DCAF6: variants seen among roughly 807,000 people sequenced by gnomAD.
DCAF6 encodes DDB1 and CUL4 associated factor 6, also known as DDB1- and CUL4-associated factor 6.
In DCAF6, 54 loss-of-function variants were observed where a neutral mutation model predicts 125.1. That is an observed-to-expected ratio of 0.43 (90% CI 0.35 to 0.54). The LOEUF (loss-of-function observed/expected upper bound fraction) is 0.54. DCAF6 is among the 20% of genes least tolerant of loss of function. The pLI is 0.01. For missense variants in DCAF6, 934 were observed against 1,161.7 expected (o/e 0.80, Z 2.85); for synonymous variants, 371 against 390.4 (o/e 0.95, Z 0.58).
the DCAF6 span, among the ~76,000 whole-genome samples, chr1:167,881,705 A>G: frequency 6.6e-6 from 1 of 152,374 alleles, no homozygotes; most frequent in South Asian, 2.1e-4. Flanking sequence ...CATTTGAGAC[A>G]AATACTATCC....
chr1:167,964,790 A>G (rs80111856), intron 2 of DCAF6, among the ~76,000 whole-genome samples: 1,669 of 152,190 alleles, frequency 0.011, 28 homozygotes, highest in African/African-American at 0.036. Flanking sequence ...TATATCCTCA[A>G]GGTCAGAGAT....
At chr1:167,880,943 G>A in the DCAF6 span, among the ~76,000 whole-genome samples, 1 of 152,160 alleles carries the variant, frequency 6.6e-6, no homozygotes, top group Non-Finnish European at 1.5e-5. Flanking sequence ...GCACAGAGCA[G>A]TGGAAAAGGC....
chr1:168,056,407 C>A (rs1402678310), intron 17 of DCAF6: 2 of 1,360,936 alleles, frequency 1.5e-6, no homozygotes, highest in Non-Finnish European at 1.9e-6. Flanking sequence ...ACGCTCCGCA[C>A]CACTCGCAGC....
At chr1:167,947,026 G>T (rs1673185044) in intron 1 of DCAF6, among the ~76,000 whole-genome samples, 1 of 152,042 alleles carries the variant, frequency 6.6e-6, no homozygotes, top group Admixed American at 6.6e-5. Context: ...TTGGGAGATT[G>T]TAAAAATTAC....
chr1:168,010,313 A>G (rs1396198324), intron 10 of DCAF6, among the ~76,000 whole-genome samples: 2 of 152,138 alleles, frequency 1.3e-5, no homozygotes, highest in Non-Finnish European at 2.9e-5. Context: ...TATATGGGTG[A>G]ATATGGGTAT....
the DCAF6 span, among the ~76,000 whole-genome samples, chr1:167,893,052 A>T: frequency 6.6e-6 from 1 of 152,244 alleles, no homozygotes; most frequent in African/African-American, 2.4e-5. Flanking sequence ...GATAGTTATA[A>T]TTCACATGGA....
At chr1:167,925,449 A>ATATC in the DCAF6 span, among the ~76,000 whole-genome samples, 71 of 104,572 alleles carry the variant, frequency 6.8e-4, no homozygotes, top group African/African-American at 2.6e-3. Context: ...ACACATATAT[A>ATATC]TATATATATA....
intron 12 of DCAF6, among the ~76,000 whole-genome samples, chr1:168,031,960 C>A (rs1243215085): frequency 6.6e-6 from 1 of 152,122 alleles, no homozygotes; most frequent in Non-Finnish European, 1.5e-5. Context: ...CCCATAAATT[C>A]TAAATACTGG....
At chr1:167,878,513 T>C in the DCAF6 span, 23 of 1,614,168 alleles carry the variant, frequency 1.4e-5, no homozygotes, top group Admixed American at 3.3e-5. Flanking sequence ...ATAACTTTCT[T>C]TGGAAGCTCT....
intron 10 of DCAF6, among the ~76,000 whole-genome samples, chr1:168,009,875 C>T (rs1208953950): frequency 1.6e-5 from 2 of 124,606 alleles, no homozygotes; most frequent in East Asian, 1.9e-4. Context: ...CTCTTGAAGA[C>T]AGGATATTGT....
intron 3 of DCAF6, among the ~76,000 whole-genome samples, chr1:167,973,689 T>C (rs1677692641): frequency 6.6e-6 from 1 of 152,132 alleles, no homozygotes; most frequent in Non-Finnish European, 1.5e-5. Context: ...GCCAACTTAG[T>C]GTTGGTGTTT....
At chr1:167,899,370 G>A in the DCAF6 span, 448 of 1,560,442 alleles carry the variant, frequency 2.9e-4, 1 homozygote, top group Middle Eastern at 3.6e-3. Context: ...TCTGGCAGGG[G>A]GCCTCTGTTA....
At chr1:167,898,888 C>T in the DCAF6 span, among the ~76,000 whole-genome samples, 10 of 152,206 alleles carry the variant, frequency 6.6e-5, no homozygotes, top group Non-Finnish European at 1.3e-4. Flanking sequence ...TTTAATTGTC[C>T]ATATCCCAGG....
rs759114970 is a variant in DCAF6, at chr1:168,003,977, T to C, written c.1105T>C (p.Ser369Pro). The change falls in exon 9 of 22, where the codon TCT (serine) becomes CCT (proline). Residue 369 changes from serine to proline, a missense_variant. Physicochemically the swap from Ser to Pro is moderately conservative, Grantham distance 74. This residue lies in a region of DCAF6 where 559 missense variants were observed against 635.5 expected (regional missense o/e 0.88). Coordinates refer to ENST00000367840, the MANE Select transcript of DCAF6 (RefSeq NM_001198956.2). ...ACAAAGCAATAGAGGACGAGGAAGA[T>C]CTCGACCCAGAGGTAATTTTTAATG... Reference protein sequence around the residue: ...VAQSNRGRGRSRPRGGTSQSD... With the variant: ...VAQSNRGRGRPRPRGGTSQSD... 3 of 1,612,050 alleles carry C rather than the reference T, an allele frequency of 1.9e-6. No homozygotes were observed. The highest frequency in any genetic ancestry group is 1.7e-6 in the Non-Finnish European group (2 of 1,178,940).
intron 12 of DCAF6, among the ~76,000 whole-genome samples, chr1:168,030,714 T>TA: frequency 6.6e-6 from 1 of 152,326 alleles, no homozygotes; most frequent in Non-Finnish European, 1.5e-5. Context: ...AGAATTTTCT[T>TA]ATGTAGATAG....
upstream of DCAF6, chr1:167,935,802 G>A: frequency 7.1e-6 from 11 of 1,558,442 alleles, no homozygotes; most frequent in Non-Finnish European, 9.6e-6. Context: ...AGGAGCCGGT[G>A]GTAGGTGGCC....
the DCAF6 span, chr1:167,878,744 T>G: frequency 9.2e-7 from 1 of 1,081,470 alleles, no homozygotes; most frequent in South Asian, 1.4e-5. Context: ...CTCCCTTTGC[T>G]GTTCATGAGT....
chr1:167,887,339 G>A, the DCAF6 span, among the ~76,000 whole-genome samples: 4 of 152,212 alleles, frequency 2.6e-5, no homozygotes, highest in African/African-American at 7.2e-5. Flanking sequence ...AATGTGGCAT[G>A]TATACACAGT....
intron 7 of DCAF6, among the ~76,000 whole-genome samples, chr1:167,994,924 AT>A (rs1173483928): frequency 6.6e-6 from 1 of 152,172 alleles, no homozygotes; most frequent in Non-Finnish European, 1.5e-5. Context: ...AACTATATTC[AT>A]TCCTCATAAT....
Sources: gnomAD v4.1 joint callset for allele counts (sites outside exome capture counted in the v4.1 genomes callset) on GRCh38, gnomAD v4.1.1 for gene constraint, gnomAD v4.1.1 regional missense constraint, MANE v1.5 for transcripts, NCBI Gene and HGNC (gene_info 2026-07-23, HGNC 2026-07-21) for gene names.